PPFIA2: variants seen among roughly 807,000 people sequenced by gnomAD.
PPFIA2 encodes the protein liprin-alpha-2.
A neutral mutation model predicts 175.5 loss-of-function variants in PPFIA2; 46 were observed. That is an observed-to-expected ratio of 0.26 (90% CI 0.21 to 0.34). The LOEUF (loss-of-function observed/expected upper bound fraction) is 0.34. Ranked by LOEUF, PPFIA2 falls within the 10% of genes least tolerant of loss-of-function variation. PPFIA2 has a pLI of 1.00. For synonymous variants in PPFIA2, 568 were observed against 511.4 expected, an observed-to-expected ratio of 1.11 and a Z score of -1.49; for missense variants, 1,179 against 1,506.1, an observed-to-expected ratio of 0.78 and a Z score of 3.60.
intron 4 of PPFIA2, among the ~76,000 whole-genome samples, chr12:81,654,409 A>C (rs906828813): frequency 1.3e-5 from 2 of 152,058 alleles, no homozygotes; most frequent in African/African-American, 2.4e-5. Flanking sequence ...ATCCTAACTA[A>C]TTACTATCAA....
intron 3 of PPFIA2, among the ~76,000 whole-genome samples, chr12:81,693,662 T>C (rs1035190612): frequency 6.6e-6 from 1 of 152,158 alleles, no homozygotes; most frequent in Non-Finnish European, 1.5e-5. Context: ...TGGAAGTGAC[T>C]GTGTAACTGG....
intron 4 of PPFIA2, among the ~76,000 whole-genome samples, chr12:81,560,292 G>C (rs1292013373): frequency 6.6e-6 from 1 of 151,732 alleles, no homozygotes; most frequent in Non-Finnish European, 1.5e-5. Context: ...GAGAGAGCTA[G>C]AGAGAGAGAC....
intron 4 of PPFIA2, among the ~76,000 whole-genome samples, chr12:81,507,678 T>A (rs2061327144): frequency 6.6e-6 from 1 of 152,228 alleles, no homozygotes; most frequent in African/African-American, 2.4e-5. Context: ...TCTCAATTAC[T>A]GTAGTAACCT....
intron 3 of PPFIA2, among the ~76,000 whole-genome samples, chr12:81,688,786 G>A (rs2074809409): frequency 8.3e-6 from 1 of 120,154 alleles, no homozygotes; most frequent in Non-Finnish European, 1.7e-5. Context: ...GCAAAAACAG[G>A]GCAAGTGGTT....
At chr12:81,410,320 AT>A (rs1215157354) in intron 7 of PPFIA2, among the ~76,000 whole-genome samples, 1 of 152,190 alleles carries the variant, frequency 6.6e-6, no homozygotes, top group East Asian at 1.9e-4. Flanking sequence ...ATTGGCTCAA[AT>A]GGCTCCCCTT....
intron 24 of PPFIA2, among the ~76,000 whole-genome samples, chr12:81,293,897 C>A (rs554572726): frequency 6.6e-6 from 1 of 152,210 alleles, no homozygotes; most frequent in South Asian, 2.1e-4. Flanking sequence ...ATCTAAGTGT[C>A]CATCAGTGGA....
chr12:81,512,009 T>C (rs2061848635), intron 4 of PPFIA2, among the ~76,000 whole-genome samples: 1 of 152,070 alleles, frequency 6.6e-6, no homozygotes, highest in Admixed American at 6.6e-5. Context: ...ATGAAAAACA[T>C]TTAGCATATA....
At chr12:81,576,026 C>T (rs1374423398) in intron 4 of PPFIA2, among the ~76,000 whole-genome samples, 4 of 151,658 alleles carry the variant, frequency 2.6e-5, no homozygotes, top group East Asian at 3.9e-4. Context: ...TGTTCCCTTA[C>T]ATTAGCAGGT....
Position 81,281,248 on chromosome 12 carries a change from A to AT in PPFIA2, c.3212+8_3212+9insA. On this transcript the variant is annotated intron_variant, in intron 27 of 32. Transcript: ENST00000549396. Reference sequence around the variant, plus strand: ...TATTCTTTGGGGAAAAAAAAGAAAAAACACCTACCGATGGAAACTATCCAC... The same window carrying AT: ...TATTCTTTGGGGAAAAAAAAGAAAAATACACCTACCGATGGAAACTATCCAC... 1 of 1,546,046 alleles carries AT rather than the reference A, an allele frequency of 6.5e-7. No homozygotes were observed. Among genetic ancestry groups the AT allele is most frequent in the Non-Finnish European group, 8.7e-7 (1 of 1,145,168 alleles).
intron 3 of PPFIA2, among the ~76,000 whole-genome samples, chr12:81,713,820 T>G (rs905595077): frequency 6.6e-6 from 1 of 151,208 alleles, no homozygotes; most frequent in Non-Finnish European, 1.5e-5. Flanking sequence ...ATTGAGAAAA[T>G]AGTGGAGAAC....
intron 4 of PPFIA2, among the ~76,000 whole-genome samples, chr12:81,635,194 T>A (rs531842337): frequency 1.3e-5 from 2 of 152,226 alleles, no homozygotes; most frequent in Non-Finnish European, 2.9e-5. Context: ...AAGGTGGGCA[T>A]ACTTTAGAGT....
At chr12:81,321,349 T>A (rs994791354) in intron 22 of PPFIA2, among the ~76,000 whole-genome samples, 2 of 152,186 alleles carry the variant, frequency 1.3e-5, no homozygotes, top group East Asian at 1.9e-4. Flanking sequence ...GGGAGAAAAG[T>A]AAGAAATTTA....
chr12:81,382,040 T>C (rs935357022), intron 9 of PPFIA2, among the ~76,000 whole-genome samples: 1 of 152,074 alleles, frequency 6.6e-6, no homozygotes, highest in African/African-American at 2.4e-5. Flanking sequence ...GATAACCAAG[T>C]ATATCAGTAA....
chr12:81,540,934 C>G (rs1252521549), intron 4 of PPFIA2, among the ~76,000 whole-genome samples: 3 of 151,896 alleles, frequency 2.0e-5, no homozygotes, highest in Non-Finnish European at 4.4e-5. Flanking sequence ...AAAGTTGGTG[C>G]CTCCGCATTC....
intron 3 of PPFIA2, among the ~76,000 whole-genome samples, chr12:81,693,139 G>A (rs954682568): frequency 7.2e-5 from 11 of 151,934 alleles, no homozygotes; most frequent in Non-Finnish European, 1.5e-4. Flanking sequence ...GAATAAATGA[G>A]GCAGTTTAAG....
chr12:81,682,992 G>T (rs1301694005), intron 3 of PPFIA2, among the ~76,000 whole-genome samples: 1 of 151,944 alleles, frequency 6.6e-6, no homozygotes, highest in Non-Finnish European at 1.5e-5. Flanking sequence ...TAAATATAAT[G>T]CATGTTGATA....
intron 8 of PPFIA2, among the ~76,000 whole-genome samples, chr12:81,391,789 C>G (rs1419805153): frequency 2.0e-5 from 3 of 151,866 alleles, no homozygotes; most frequent in Non-Finnish European, 4.4e-5. Flanking sequence ...CCCTGCAATA[C>G]AAGCATAAAT....
intron 21 of PPFIA2, among the ~76,000 whole-genome samples, 158 bp from the exon 22 acceptor site, chr12:81,326,028 A>T (rs144096579): frequency 6.6e-6 from 1 of 152,164 alleles, no homozygotes. Context: ...GCATGGGTAC[A>T]TACATAAACA....
rs146160506 is a variant in PPFIA2, at chr12:81,513,411, A to G, written c.304-55545T>C. On this transcript the variant is annotated intron_variant, in intron 4 of 32. Coordinates refer to ENST00000549396, the MANE Select transcript of PPFIA2 (RefSeq NM_003625.5). ...AACCCCACTACTGGGTATCTACCCAAAGGAAAATAAGTCATTATACGAAAA... is the reference window on the plus strand; with the variant it reads ...AACCCCACTACTGGGTATCTACCCAGAGGAAAATAAGTCATTATACGAAAA... Among the ~76,000 whole-genome samples the G allele has an allele frequency of 1.0e-3, 155 of 152,144 alleles. No homozygotes were observed. In the East Asian group the frequency reaches 0.018, roughly 18 times the overall value.
Sources: gnomAD v4.1 joint callset for allele counts (sites outside exome capture counted in the v4.1 genomes callset) on GRCh38, gnomAD v4.1.1 for gene constraint, MANE v1.5 for transcripts, NCBI Gene and HGNC (gene_info 2026-07-23, HGNC 2026-07-21) for gene names.